Variants in MDN1 observed in about 807,000 individuals in gnomAD.
The protein encoded by MDN1 is midasin AAA ATPase 1.
A neutral mutation model predicts 669.2 loss-of-function variants in MDN1; 266 were observed. That is an observed-to-expected ratio of 0.40 (90% confidence interval 0.36 to 0.44). The LOEUF (loss-of-function observed/expected upper bound fraction) is 0.44, where lower values mean the gene tolerates loss of function less well. Ranked by LOEUF, MDN1 falls within the 20% of genes least tolerant of loss-of-function variation. The pLI, the probability that MDN1 is intolerant of heterozygous loss-of-function variation, is 1.00. For missense variants in MDN1, 5,940 were observed against 6,754.0 expected (o/e 0.88, Z 4.22); for synonymous variants, 2,385 against 2,457.1 (o/e 0.97, Z 0.87).
chr6:89,790,775 C>T (rs1013309235), intron 5 of MDN1, among the ~76,000 whole-genome samples: 1 of 152,292 alleles, frequency 6.6e-6, no homozygotes, highest in East Asian at 1.9e-4. Flanking sequence ...AATACCAGCA[C>T]TTTGTGAAGC....
intron 46 of MDN1, among the ~76,000 whole-genome samples, chr6:89,713,823 C>T (rs1330028589): frequency 5.9e-5 from 9 of 151,752 alleles, no homozygotes; most frequent in Admixed American, 6.6e-5. Context: ...CCTAGGTGGG[C>T]GGATCACGAG....
At chr6:89,798,420 T>C (rs956069832) in intron 2 of MDN1, among the ~76,000 whole-genome samples, 1 of 151,896 alleles carries the variant, frequency 6.6e-6, no homozygotes, top group South Asian at 2.1e-4. Flanking sequence ...GAGAATCACT[T>C]GAACCTGGGA....
intron 19 of MDN1, 61 bp downstream of exon 19, chr6:89,758,194 C>T: frequency 7.2e-7 from 1 of 1,383,450 alleles, no homozygotes; most frequent in Non-Finnish European, 1.0e-6. Context: ...GCACTCCAAC[C>T]TGGGCAACAG....
chr6:89,674,226 T>C lies in MDN1; in HGVS notation c.13125A>G (p.Lys4375=), dbSNP rs1811027626. The change falls in exon 79 of 102, where the codon AAA becomes AAG. Residue 4375 remains lysine (K), a synonymous_variant. Coordinates refer to ENST00000369393, the MANE Select transcript of MDN1 (RefSeq NM_014611.3). ...SQLPSGCRMR[K]QDHLWQQSTT... is the part of the protein sequence containing the mutation. ...TTGACTGTTGCCAAAGGTGATCCTG[T>C]TTCCGCATCCGGCAACCAGAGGGCA... The C allele has an allele frequency of 6.8e-6, 11 of 1,614,246 alleles. No individual in the cohort carries two copies. In the East Asian group the frequency reaches 2.5e-4, roughly 36 times the overall value.
At chr6:89,722,847 A>AC (rs1491500653) in intron 40 of MDN1, 108 bp downstream of exon 40, 1 of 192,734 alleles carries the variant, frequency 5.2e-6, no homozygotes, top group African/African-American at 2.6e-5. Context: ...ACCCAGTCTC[A>AC]AAAAAAAAAA....
Position 89,780,302 on chromosome 6 carries a change from AAAAG to A in MDN1, c.1644-13_1644-10del. The stretch of plus-strand genomic sequence containing the variant: ...ACCAATTCAGCAGATCCCTTTAAAA[AAAAG>A]AAAGAAAAGAAAAAACAAAGAAAAG... On this transcript the variant is annotated splice_polypyrimidine_tract_variant and intron_variant, in intron 10 of 101. Coordinates refer to ENST00000369393, the MANE Select transcript of MDN1 (RefSeq NM_014611.3). 1 of 1,527,950 alleles carries A rather than the reference AAAAG, an allele frequency of 6.5e-7. No individual in the cohort carries two copies. The highest frequency in any genetic ancestry group is 8.8e-7 in the Non-Finnish European group (1 of 1,133,870). 94.6% of individuals were successfully genotyped at this position (1,527,950 alleles called of 1,614,324 possible). A position where few individuals can be genotyped will look rare whatever the true frequency, so the allele number is the denominator to read the frequency against.
At chr6:89,818,244 G>A (rs1327875949) in intron 1 of MDN1, among the ~76,000 whole-genome samples, 2 of 147,094 alleles carry the variant, frequency 1.4e-5, no homozygotes, top group African/African-American at 5.1e-5. Context: ...GCTTGAACTC[G>A]AGAGGCGGAG....
chr6:89,718,894 A>G lies in MDN1; in HGVS notation c.6194T>C (p.Val2065Ala), dbSNP rs1375618622. ...GGTCTTGCCCACAGAGGCTGGCCCG[A>G]CCAGGATGACCATCCAGCTCATCTG... Reference protein sequence around the residue: ...CVQMSWMVILVGPASVGKTSL... With the variant: ...CVQMSWMVILAGPASVGKTSL... The change falls in exon 42 of 102, where the codon GTC (valine) becomes GCC (alanine). Residue 2065 changes from valine (V) to alanine (A), a missense_variant. Val to Ala is a moderately conservative substitution (Grantham distance 64). Around this residue, in one of 5 missense-constraint regions of MDN1, gnomAD observed 2,292 missense variants for 2,638.3 expected, o/e 0.87. Transcript: ENST00000369393. The G allele has an allele frequency of 6.2e-7, 1 of 1,614,134 alleles. No homozygotes were observed. The highest frequency in any genetic ancestry group is 1.7e-5 in the Admixed American group (1 of 60,014).
chr6:89,787,661 G>A (rs1034981434), intron 8 of MDN1, among the ~76,000 whole-genome samples, 193 bp downstream of exon 8: 1 of 151,812 alleles, frequency 6.6e-6, no homozygotes, highest in Non-Finnish European at 1.5e-5. Flanking sequence ...TTTAAGTCGG[G>A]GGGGGGACCT....
intron 1 of MDN1, among the ~76,000 whole-genome samples, chr6:89,816,323 C>G (rs1350570406): frequency 9.9e-5 from 15 of 152,008 alleles, no homozygotes; most frequent in Admixed American, 9.8e-4. Flanking sequence ...CTGCTTGAAC[C>G]CAGGGGGCAG....
chr6:89,808,952 C>G (rs1207775838), intron 1 of MDN1, among the ~76,000 whole-genome samples: 3 of 152,126 alleles, frequency 2.0e-5, no homozygotes, highest in Non-Finnish European at 4.4e-5. Flanking sequence ...CACGGTGGCT[C>G]ATGCCTGTAA....
chr6:89,747,853 T>C (rs1429918485), intron 26 of MDN1, among the ~76,000 whole-genome samples: 2 of 126,744 alleles, frequency 1.6e-5, no homozygotes, highest in East Asian at 2.3e-4. Context: ...ACTGCGCCAC[T>C]GCACTCCAGC....
At position 89,648,136 on chromosome 6, in the gene MDN1, A is replaced by G; in HGVS notation, c.16291T>C (p.Ser5431Pro). 1.2e-6 allele frequency: 2 copies of G among 1,613,916 alleles called. No individual in the cohort carries two copies. Among genetic ancestry groups the G allele is most frequent in the Non-Finnish European group, 8.5e-7 (1 of 1,179,778 alleles). ...GQIAVCSFGE[S>P]VKLLHPFHEQ... ...TGAAATGGGTGTAACAGCTTTACAG[A>G]TTCTCCAAAACTTGGGGGAGGAAAA... The change falls in exon 99 of 102, where the codon TCT (serine) becomes CCT (proline). Residue 5431 changes from serine to proline, a missense_variant. By Grantham distance (74) the Ser-to-Pro change is moderately conservative. Transcript: ENST00000369393.
Position 89,723,124 on chromosome 6 carries a change from A to T in MDN1, c.5798T>A (p.Val1933Asp), listed in dbSNP as rs768046396. 3 of 1,614,046 alleles carry T rather than the reference A, an allele frequency of 1.9e-6. No individual in the cohort carries two copies. The South Asian group carries it at 3.3e-5, about 18-fold the overall frequency. Reference sequence around the variant, plus strand: ...TCCTTTTTGCCCCCATTTCTTCTCAACAGTCACTTCATGATCAATCTAGAA... The same window carrying T: ...TCCTTTTTGCCCCCATTTCTTCTCATCAGTCACTTCATGATCAATCTAGAA... ...FNNQIDHEVT[V>D]EKKWGQKGGP... The change falls in exon 40 of 102, where the codon GTT becomes GAT. Residue 1933 changes from valine (V) to aspartate (D), a missense_variant. By Grantham distance (152) the Val-to-Asp change is radical (BLOSUM62 -3). Transcript: ENST00000369393.
intron 21 of MDN1, 108 bp downstream of exon 21, chr6:89,753,975 T>G (rs1817095431): frequency 1.7e-6 from 2 of 1,177,950 alleles, no homozygotes. Flanking sequence ...TATGGGCTGA[T>G]CTGACTAACT....
At chr6:89,679,733 A>G (rs1308230211) in intron 74 of MDN1, among the ~76,000 whole-genome samples, 2 of 152,234 alleles carry the variant, frequency 1.3e-5, no homozygotes, top group Admixed American at 1.3e-4. Context: ...GAAGCCACCC[A>G]GTCTGTGGTA....
chr6:89,712,724 G>A lies in MDN1; in HGVS notation c.7281C>T (p.Asp2427=), dbSNP rs747215423. Residue 2427 remains aspartate (D), a synonymous_variant, in exon 48 of 102, where the codon GAC becomes GAT. Coordinates refer to ENST00000369393, the MANE Select transcript of MDN1 (RefSeq NM_014611.3). ...SSLRAHETWG[D]SILGMGLWPD... ...GCCACAGTCCCATGCCAAGAATGGAGTCTCCCCAGGTTTCATGTGCTCGCA... is the reference window on the plus strand; with the variant it reads ...GCCACAGTCCCATGCCAAGAATGGAATCTCCCCAGGTTTCATGTGCTCGCA... The A allele has an allele frequency of 1.2e-6, 2 of 1,614,066 alleles. No homozygotes were observed. Among genetic ancestry groups the A allele is most frequent in the Admixed American group, 3.3e-5 (2 of 60,004 alleles).
intron 97 of MDN1, among the ~76,000 whole-genome samples, chr6:89,648,989 TAA>T (rs35332439): frequency 0.11 from 14,333 of 134,852 alleles, 888 homozygotes; most frequent in South Asian, 0.17. Flanking sequence ...ACCCTGTCTT[TAA>T]AAAAAAAAAA....
At position 89,655,795 on chromosome 6, in the gene MDN1, TTGTTTAATG is replaced by T; in HGVS notation, c.15450_15458del (p.His5150_Lys5152del). The T allele has an allele frequency of 6.2e-7, 1 of 1,612,830 alleles. No individual in the cohort carries two copies. Among genetic ancestry groups the T allele is most frequent in the Non-Finnish European group, 8.5e-7 (1 of 1,179,538 alleles). On this transcript the variant is annotated inframe_deletion, in exon 92 of 102. Coordinates refer to ENST00000369393, the MANE Select transcript of MDN1 (RefSeq NM_014611.3). ...TCTGTGCATCGTATGCGTCACTGCC[TTGTTTAATG>T]TGCTCGAATGCATCTGCATCCTCCA... is the stretch of plus-strand genomic sequence containing the variant.
Sources: allele counts gnomAD v4.1 joint callset (sites outside exome capture counted in the v4.1 genomes callset), GRCh38; gene constraint gnomAD v4.1.1; regional missense constraint gnomAD v4.1.1; transcripts MANE v1.5; gene names NCBI Gene and HGNC (gene_info 2026-07-23, HGNC 2026-07-21).